Variants in CYTH1 observed in about 807,000 individuals in gnomAD.
The protein encoded by CYTH1 is cytohesin 1, also known as cytohesin-1.
A neutral mutation model predicts 61.8 loss-of-function variants in CYTH1; 18 were observed. The ratio of observed to expected loss-of-function variants is 0.29; its 90% CI spans 0.20 to 0.43. The LOEUF (loss-of-function observed/expected upper bound fraction) is 0.43, where lower values mean the gene tolerates loss of function less well. Ranked by LOEUF, CYTH1 falls within the 20% of genes least tolerant of loss-of-function variation. CYTH1 has a pLI of 1.00. For missense variants in CYTH1, 336 were observed against 510.5 expected (o/e 0.66, Z 3.29); for synonymous variants, 174 against 184.3 (o/e 0.94, Z 0.45).
At chr17:78,727,815 T>C (rs376212086) in intron 1 of CYTH1, 28 of 440,078 alleles carry the variant, frequency 6.4e-5, no homozygotes, top group African/African-American at 5.7e-4. Context: ...CTCCTGCCCA[T>C]GCAGGGGGCA....
At chr17:78,697,980 G>A (rs550588609) in intron 9 of CYTH1, among the ~76,000 whole-genome samples, 13 of 152,200 alleles carry the variant, frequency 8.5e-5, no homozygotes, top group Admixed American at 2.6e-4. Flanking sequence ...TGTGTCCCAT[G>A]GGGGCAATGA....
At chr17:78,734,409 CCAAT>C (rs2093310296) in intron 1 of CYTH1, among the ~76,000 whole-genome samples, 1 of 141,646 alleles carries the variant, frequency 7.1e-6, no homozygotes, top group Non-Finnish European at 1.5e-5. Context: ...TACCAATGTA[CCAAT>C]GTACCAGGTA....
At chr17:78,725,364 A>G (rs552845230) in intron 1 of CYTH1, among the ~76,000 whole-genome samples, 2 of 152,322 alleles carry the variant, frequency 1.3e-5, no homozygotes, top group African/African-American at 4.8e-5. Context: ...AGCCTGGACT[A>G]TCCACGCTGG....
chr17:78,735,405 A>C (rs990551297), intron 1 of CYTH1, among the ~76,000 whole-genome samples: 6 of 151,908 alleles, frequency 3.9e-5, no homozygotes, highest in African/African-American at 1.5e-4. Context: ...GTCCTCTTCC[A>C]CTCTCAAAAG....
intron 1 of CYTH1, among the ~76,000 whole-genome samples, chr17:78,750,948 G>T (rs1454683177): frequency 6.6e-6 from 1 of 152,060 alleles, no homozygotes; most frequent in Non-Finnish European, 1.5e-5. Flanking sequence ...GTTTATATGG[G>T]TTTCTGTTTA....
intron 1 of CYTH1, among the ~76,000 whole-genome samples, chr17:78,774,170 T>G (rs1171796449): frequency 6.6e-6 from 1 of 152,208 alleles, no homozygotes; most frequent in East Asian, 1.9e-4. Flanking sequence ...TGCAGCCCTT[T>G]TGGAAAAAGT....
At chr17:78,779,281 T>C (rs2093506358) in intron 1 of CYTH1, among the ~76,000 whole-genome samples, 1 of 151,294 alleles carries the variant, frequency 6.6e-6, no homozygotes, top group South Asian at 2.1e-4. Flanking sequence ...ATGCCTGTAA[T>C]CCCAGCTACT....
At chr17:78,704,183 G>C (rs1428794959) in intron 3 of CYTH1, among the ~76,000 whole-genome samples, 1 of 152,190 alleles carries the variant, frequency 6.6e-6, no homozygotes, top group Non-Finnish European at 1.5e-5. Context: ...CTGACTCTAT[G>C]TCTGAGAAGG....
intron 1 of CYTH1, among the ~76,000 whole-genome samples, chr17:78,766,932 T>C (rs1351489313): frequency 6.6e-6 from 1 of 152,204 alleles, no homozygotes; most frequent in Non-Finnish European, 1.5e-5. Context: ...TCAGCAGCTA[T>C]GTCCCTTTAG....
chr17:78,688,219 A>G (rs976881011), intron 11 of CYTH1, among the ~76,000 whole-genome samples: 22 of 152,172 alleles, frequency 1.4e-4, no homozygotes, highest in African/African-American at 5.3e-4. Context: ...ATATAACACC[A>G]CAAAACAAAA....
intron 1 of CYTH1, among the ~76,000 whole-genome samples, chr17:78,740,906 A>C (rs2093339463): frequency 6.6e-6 from 1 of 152,232 alleles, no homozygotes; most frequent in African/African-American, 2.4e-5. Context: ...GCTTTTAAAA[A>C]GTTTCAAAGT....
At chr17:78,762,977 G>A (rs755126954) in intron 1 of CYTH1, among the ~76,000 whole-genome samples, 6 of 152,162 alleles carry the variant, frequency 3.9e-5, no homozygotes, top group African/African-American at 1.2e-4. Context: ...GTGATAATTT[G>A]TTATGGCAGC....
intron 11 of CYTH1, among the ~76,000 whole-genome samples, chr17:78,686,841 G>A (rs1040183558): frequency 6.6e-6 from 1 of 152,122 alleles, no homozygotes; most frequent in African/African-American, 2.4e-5. Flanking sequence ...GAGTGCAATG[G>A]CGAGATCTTG....
chr17:78,675,112 G>A lies in CYTH1; in HGVS notation c.*979C>T, dbSNP rs2092684031. The A allele has an allele frequency of 6.6e-6, 1 of 152,208 alleles. No homozygotes were observed. The highest frequency in any genetic ancestry group is 1.9e-4 in the East Asian group (1 of 5,190). The allele number at this position is 152,208 out of a possible 1,614,324, so 9.4% of individuals were successfully genotyped here. On this transcript the variant is annotated 3_prime_UTR_variant, in exon 14 of 14. Coordinates refer to ENST00000446868, the MANE Select transcript of CYTH1 (RefSeq NM_004762.6). ...ACGAGGACTGGAGTCTGGGGAAGAG[G>A]AAGAAAACCCAAAATGAAACAGGTT...
chr17:78,697,256 C>G (rs189547889), intron 9 of CYTH1, among the ~76,000 whole-genome samples: 174 of 143,320 alleles, frequency 1.2e-3, no homozygotes, highest in Middle Eastern at 7.5e-3. Flanking sequence ...ACAGCCCCTG[C>G]TAATGTGAGA....
intron 11 of CYTH1, among the ~76,000 whole-genome samples, chr17:78,690,936 G>A (rs2092878828): frequency 6.6e-6 from 1 of 152,154 alleles, no homozygotes; most frequent in South Asian, 2.1e-4. Context: ...ATTCAGACAC[G>A]ATGTTAAAGA....
chr17:78,757,697 G>A (rs2093407250), intron 1 of CYTH1, among the ~76,000 whole-genome samples: 1 of 152,096 alleles, frequency 6.6e-6, no homozygotes, highest in African/African-American at 2.4e-5. Context: ...TTGGGAGGCT[G>A]AGGCGGGCAG....
chr17:78,756,075 T>A (rs1295779598), intron 1 of CYTH1, among the ~76,000 whole-genome samples: 176 of 111,314 alleles, frequency 1.6e-3, no homozygotes, highest in Middle Eastern at 8.5e-3. Flanking sequence ...ATTTATTTAT[T>A]TTTATTTTTT....
At chr17:78,778,314 AAAAAAAG>A (rs1489563599) in intron 1 of CYTH1, among the ~76,000 whole-genome samples, 32 of 147,202 alleles carry the variant, frequency 2.2e-4, no homozygotes, top group Admixed American at 2.7e-4. Context: ...AAAAAAAAAA[AAAAAAAG>A]GGAAAAAAAA....
Sources: allele counts gnomAD v4.1 joint callset (sites outside exome capture counted in the v4.1 genomes callset), GRCh38; gene constraint gnomAD v4.1.1; transcripts MANE v1.5; gene names NCBI Gene and HGNC (gene_info 2026-07-23, HGNC 2026-07-21).